ADAMTSL1: variants seen among roughly 807,000 people sequenced by gnomAD.
ADAMTSL1 encodes ADAMTS-like protein 1.
In ADAMTSL1, 126 loss-of-function variants were observed where a neutral mutation model predicts 201.8. The ratio of observed to expected loss-of-function variants is 0.62; its 90% CI spans 0.54 to 0.72. ADAMTSL1 has a LOEUF of 0.72. ADAMTSL1 is among the 30% of genes least tolerant of loss of function. The pLI, the probability that ADAMTSL1 is intolerant of heterozygous loss-of-function variation, is 0.00. For synonymous variants in ADAMTSL1, 1,121 were observed against 903.4 expected (o/e 1.24, Z -4.32); for missense variants, 2,679 against 2,277.8 (o/e 1.18, Z -3.59).
At chr9:18,595,850 G>C (rs1050471074) in intron 4 of ADAMTSL1, among the ~76,000 whole-genome samples, 1 of 152,206 alleles carries the variant, frequency 6.6e-6, no homozygotes, top group African/African-American at 2.4e-5. Context: ...GAACCCAGAA[G>C]CAAGTTTGGC....
At chr9:18,833,253 C>T (rs1184044880) in intron 23 of ADAMTSL1, among the ~76,000 whole-genome samples, 1 of 152,196 alleles carries the variant, frequency 6.6e-6, no homozygotes, top group Non-Finnish European at 1.5e-5. Context: ...AATGATATTT[C>T]TGTCTTTAGG....
Position 18,908,774 on chromosome 9 carries a change from C to G in ADAMTSL1, c.*226C>G. 8.4e-6 allele frequency: 4 copies of G among 475,098 alleles called. No individual in the cohort carries two copies. The South Asian group carries it at 9.3e-5, about 11-fold the overall frequency. 29.4% of individuals were successfully genotyped at this position (475,098 alleles called of 1,614,324 possible). A position where few individuals can be genotyped will look rare whatever the true frequency, so the allele number is the denominator to read the frequency against. On this transcript the variant is annotated 3_prime_UTR_variant, in exon 29 of 29. Coordinates refer to ENST00000380548, the MANE Select transcript of ADAMTSL1 (RefSeq NM_001040272.6). ...TGTTGGGAAAGGAAAGGACAGATGT[C>G]TAAAGGAGGTTGCAGAGCAGGCCAG...
At chr9:18,499,556 ACCAC>A (rs1822721914) in intron 1 of ADAMTSL1, among the ~76,000 whole-genome samples, 2 of 152,250 alleles carry the variant, frequency 1.3e-5, no homozygotes, top group Non-Finnish European at 2.9e-5. Context: ...GCATGGGCAG[ACCAC>A]AGGAAAAATG....
rs746479012 is a variant in ADAMTSL1, at chr9:18,775,869, A to C, written c.2524A>C (p.Arg842=). Reference sequence around the variant, plus strand: ...GCCCCTGCCTTTCTCTTCCTCCATCAGGCCCTGTATGCTGGCAACCTGTGC... The same window carrying C: ...GCCCCTGCCTTTCTCTTCCTCCATCCGGCCCTGTATGCTGGCAACCTGTGC... ...CPPLPFSSSI[R]PCMLATCARP... The change falls in exon 18 of 29, where the codon AGG becomes CGG. Residue 842 remains arginine, a synonymous_variant. Coordinates refer to ENST00000380548, the MANE Select transcript of ADAMTSL1 (RefSeq NM_001040272.6). The C allele has an allele frequency of 1.9e-5, 30 of 1,600,630 alleles. No individual in the cohort carries two copies. The highest frequency in any genetic ancestry group is 2.4e-5 in the Non-Finnish European group (28 of 1,173,182).
intron 2 of ADAMTSL1, among the ~76,000 whole-genome samples, chr9:18,329,093 C>G (rs1834935725): frequency 1.3e-5 from 2 of 151,988 alleles, no homozygotes; most frequent in Non-Finnish European, 2.9e-5. Flanking sequence ...GTGGTCAGGT[C>G]GTGAGGGTAG....
intron 2 of ADAMTSL1, among the ~76,000 whole-genome samples, chr9:18,406,747 A>C (rs144746022): frequency 6.6e-6 from 1 of 152,264 alleles, no homozygotes; most frequent in African/African-American, 2.4e-5. Context: ...ATTGTATTCT[A>C]CTCATGTTGC....
At chr9:18,255,954 G>A (rs1020353568) in intron 2 of ADAMTSL1, among the ~76,000 whole-genome samples, 4 of 152,076 alleles carry the variant, frequency 2.6e-5, no homozygotes, top group African/African-American at 4.8e-5. Context: ...ACTGACTTTC[G>A]CCCCCATCAA....
intron 3 of ADAMTSL1, among the ~76,000 whole-genome samples, chr9:18,573,724 A>G (rs1207423675): frequency 6.6e-6 from 1 of 152,230 alleles, no homozygotes; most frequent in African/African-American, 2.4e-5. Flanking sequence ...GGAAGAATTC[A>G]TGAACCAATA....
intron 2 of ADAMTSL1, among the ~76,000 whole-genome samples, chr9:18,508,616 A>G (rs1817824060): frequency 6.6e-6 from 1 of 152,236 alleles, no homozygotes; most frequent in African/African-American, 2.4e-5. Context: ...TCATGTTTCA[A>G]AAAGCTAGCT....
chr9:18,622,983 C>T (rs1489887356), intron 5 of ADAMTSL1, among the ~76,000 whole-genome samples: 4 of 152,214 alleles, frequency 2.6e-5, no homozygotes, highest in Non-Finnish European at 5.9e-5. Context: ...GCAACCTCCG[C>T]TTCCCGGGTT....
At chr9:18,825,639 ACT>A (rs1824499440) in intron 21 of ADAMTSL1, among the ~76,000 whole-genome samples, 1 of 151,922 alleles carries the variant, frequency 6.6e-6, no homozygotes, top group South Asian at 2.1e-4. Flanking sequence ...CCAAGTGAAC[ACT>A]CCCCACCAGA....
chr9:18,417,805 A>G (rs1484596566), intron 2 of ADAMTSL1, among the ~76,000 whole-genome samples: 1 of 152,226 alleles, frequency 6.6e-6, no homozygotes, highest in Non-Finnish European at 1.5e-5. Context: ...TTAAAGAAGA[A>G]ATAACACCAC....
intron 19 of ADAMTSL1, among the ~76,000 whole-genome samples, chr9:18,781,575 G>A (rs975649453): frequency 2.0e-5 from 3 of 152,178 alleles, no homozygotes; most frequent in African/African-American, 7.2e-5. Context: ...CTTTGCTGTG[G>A]GCTGTTGGTG....
At chr9:17,964,558 C>T (rs1817899453) in intron 1 of ADAMTSL1, among the ~76,000 whole-genome samples, 1 of 111,678 alleles carries the variant, frequency 9.0e-6, no homozygotes, top group African/African-American at 2.6e-5. Flanking sequence ...CATAACAAAA[C>T]TGTGTTTAAC....
At chr9:18,771,735 G>GTTTTT (rs754025785) in intron 17 of ADAMTSL1, among the ~76,000 whole-genome samples, 1 of 116,670 alleles carries the variant, frequency 8.6e-6, no homozygotes, top group Non-Finnish European at 1.7e-5. Flanking sequence ...TTTTTTTTTG[G>GTTTTT]ATAGTATACA....
At chr9:18,691,344 C>G (rs1831202439) in intron 13 of ADAMTSL1, among the ~76,000 whole-genome samples, 2 of 152,002 alleles carry the variant, frequency 1.3e-5, no homozygotes, top group Admixed American at 1.3e-4. Context: ...TGATATGAAC[C>G]GATGTTTGAC....
intron 2 of ADAMTSL1, among the ~76,000 whole-genome samples, chr9:18,283,943 GAA>G (rs1832896427): frequency 1.7e-5 from 1 of 58,736 alleles, no homozygotes; most frequent in Non-Finnish European, 3.7e-5. Flanking sequence ...AGAAGAAGAA[GAA>G]GAAGGCTGGG....
intron 1 of ADAMTSL1, among the ~76,000 whole-genome samples, chr9:18,095,536 C>T (rs1824212633): frequency 6.6e-6 from 1 of 151,386 alleles, no homozygotes; most frequent in Non-Finnish European, 1.5e-5. Context: ...TATTCTCCTG[C>T]CTCAGCTTCC....
chr9:18,220,542 CTT>C (rs1830217839), intron 2 of ADAMTSL1, among the ~76,000 whole-genome samples: 1 of 152,064 alleles, frequency 6.6e-6, no homozygotes, highest in South Asian at 2.1e-4. Context: ...GATTTTCACT[CTT>C]GTTTTAAAAT....
Sources: allele counts gnomAD v4.1 joint callset (sites outside exome capture counted in the v4.1 genomes callset), GRCh38; gene constraint gnomAD v4.1.1; transcripts MANE v1.5; gene names NCBI Gene and HGNC (gene_info 2026-07-23, HGNC 2026-07-21).